Variants in TMCC1 observed in about 807,000 individuals in gnomAD.
The protein encoded by TMCC1 is transmembrane and coiled-coil domains protein 1.
Under a neutral mutation model 52.4 loss-of-function variants are expected in TMCC1, and 15 were observed. The observed-to-expected ratio is 0.29, with a 90% confidence interval of 0.19 to 0.44. TMCC1 has a LOEUF of 0.44. Among genes scored for constraint, TMCC1 ranks in the 20% least tolerant of loss-of-function variants. TMCC1 has a pLI of 1.00. For synonymous variants in TMCC1, 279 were observed against 301.9 expected, an observed-to-expected ratio of 0.92 and a Z score of 0.79; for missense variants, 503 against 806.0, an observed-to-expected ratio of 0.62 and a Z score of 4.55.
Position 129,731,369 on chromosome 3 carries a change from G to A in TMCC1, c.577-60105C>T, listed in dbSNP as rs1397802949. Among the ~76,000 whole-genome samples, 6 of 152,216 alleles carry A rather than the reference G, an allele frequency of 3.9e-5. No individual in the cohort carries two copies. The East Asian group carries it at 1.2e-3, about 29-fold the overall frequency. On this transcript the variant is annotated intron_variant, in intron 4 of 6. Coordinates refer to ENST00000393238, the MANE Select transcript of TMCC1 (RefSeq NM_001017395.5). ...AAGGTGGAGAGATCACATGAGGCCA[G>A]GAGTTTGAGACCAGTCTAGCCAACA...
intron 4 of TMCC1, among the ~76,000 whole-genome samples, chr3:129,731,493 A>C (rs2050536176): frequency 6.6e-6 from 1 of 152,218 alleles, no homozygotes; most frequent in Non-Finnish European, 1.5e-5. Flanking sequence ...CACAAGAATC[A>C]CTTGAACCCA....
intron 4 of TMCC1, among the ~76,000 whole-genome samples, chr3:129,785,527 C>G (rs898866004): frequency 6.6e-6 from 1 of 151,614 alleles, no homozygotes. Flanking sequence ...TGAGATCAGC[C>G]TTTATGTCTA....
intron 4 of TMCC1, among the ~76,000 whole-genome samples, chr3:129,789,130 G>T (rs2056265160): frequency 6.6e-6 from 1 of 152,152 alleles, no homozygotes; most frequent in South Asian, 2.1e-4. Context: ...ATCCAGTACT[G>T]ACTCTACCTA....
At chr3:129,788,656 G>A (rs1236204316) in intron 4 of TMCC1, among the ~76,000 whole-genome samples, 1 of 151,632 alleles carries the variant, frequency 6.6e-6, no homozygotes, top group African/African-American at 2.4e-5. Context: ...TTTTAGTAGA[G>A]ACGGGGTTTC....
At chr3:129,745,374 T>G (rs569767279) in intron 4 of TMCC1, among the ~76,000 whole-genome samples, 4 of 152,360 alleles carry the variant, frequency 2.6e-5, no homozygotes, top group Non-Finnish European at 4.4e-5. Flanking sequence ...TCAGCCACAG[T>G]GCTAAACTGA....
At chr3:129,693,322 C>T (rs568625932) in intron 4 of TMCC1, among the ~76,000 whole-genome samples, 9 of 152,038 alleles carry the variant, frequency 5.9e-5, no homozygotes, top group Admixed American at 3.3e-4. Context: ...CAAACCAAAC[C>T]GGAAAGAACA....
chr3:129,760,454 C>CTGTGTGTGTGTGTG lies in TMCC1; in HGVS notation c.576+67335_576+67348dup, dbSNP rs61394124. Among the ~76,000 whole-genome samples the CTGTGTGTGTGTGTG allele has an allele frequency of 4.4e-3, 569 of 129,042 alleles. 20 individuals are homozygous for CTGTGTGTGTGTGTG. Among genetic ancestry groups the CTGTGTGTGTGTGTG allele is most frequent in the Non-Finnish European group, 6.4e-3 (389 of 60,968 alleles). The allele number at this position is 129,042 out of a possible 152,430, so 84.7% of individuals were successfully genotyped here. ...TGTGTGTTTTTGAGACAGTCTCGCT[C>CTGTGTGTGTGTGTG]TGTGTGTGTGTGTGTGTGTGTGTGT... On this transcript the variant is annotated intron_variant, in intron 4 of 6. Coordinates refer to ENST00000393238, the MANE Select transcript of TMCC1 (RefSeq NM_001017395.5).
intron 3 of TMCC1, among the ~76,000 whole-genome samples, chr3:129,829,990 G>A (rs1468301691): frequency 6.6e-6 from 1 of 152,144 alleles, no homozygotes; most frequent in African/African-American, 2.4e-5. Flanking sequence ...GCATAAACAG[G>A]GAGACAGGGA....
chr3:129,831,197 G>A (rs1164838406), intron 3 of TMCC1, among the ~76,000 whole-genome samples: 1 of 152,136 alleles, frequency 6.6e-6, no homozygotes, highest in African/African-American at 2.4e-5. Flanking sequence ...GCCTCCCAAA[G>A]TGCTGAGATT....
rs150188801 is a variant in TMCC1, at chr3:129,868,500, G to A, written c.-184+11809C>T. ...GTTGCCCAGGCTTGAGTGCAGTGGCGCAATCTTGGCTCACTGCAACCTCCA... is the reference window on the plus strand; with the variant it reads ...GTTGCCCAGGCTTGAGTGCAGTGGCACAATCTTGGCTCACTGCAACCTCCA... On this transcript the variant is annotated intron_variant, in intron 2 of 6. Coordinates refer to ENST00000393238, the MANE Select transcript of TMCC1 (RefSeq NM_001017395.5). Among the ~76,000 whole-genome samples, 254 of 152,162 alleles carry A rather than the reference G, an allele frequency of 1.7e-3. 7 individuals are homozygous for A. The East Asian group carries it at 0.042, about 25-fold the overall frequency.
chr3:129,757,538 C>T (rs374332093), intron 4 of TMCC1, among the ~76,000 whole-genome samples: 13 of 152,138 alleles, frequency 8.5e-5, no homozygotes, highest in South Asian at 8.3e-4. Context: ...AAAAAGGAAT[C>T]GGCTGGGCAT....
At chr3:129,885,611 T>C (rs981634679) in intron 1 of TMCC1, among the ~76,000 whole-genome samples, 1 of 151,990 alleles carries the variant, frequency 6.6e-6, no homozygotes, top group Non-Finnish European at 1.5e-5. Context: ...GAAAACAATA[T>C]TTGATGCTAT....
intron 4 of TMCC1, among the ~76,000 whole-genome samples, chr3:129,706,703 C>T (rs1375448803): frequency 1.3e-5 from 2 of 152,126 alleles, no homozygotes; most frequent in Admixed American, 1.3e-4. Context: ...AGTTCAACCA[C>T]CTATTTAATG....
At chr3:129,817,467 G>C (rs2058155848) in intron 4 of TMCC1, among the ~76,000 whole-genome samples, 1 of 152,040 alleles carries the variant, frequency 6.6e-6, no homozygotes, top group Admixed American at 6.6e-5. Flanking sequence ...AATAATATCT[G>C]TGAACTTTAA....
rs113483086 is a variant in TMCC1, at chr3:129,731,303, C to T, written c.577-60039G>A. On this transcript the variant is annotated intron_variant, in intron 4 of 6. Transcript: ENST00000393238. ...TAAACTCTTAGCCAATTAGGCTGGACGCGGTGGCTCACACCTGTAATCTCA... is the reference window on the plus strand; with the variant it reads ...TAAACTCTTAGCCAATTAGGCTGGATGCGGTGGCTCACACCTGTAATCTCA... Among the ~76,000 whole-genome samples, 1,222 of 152,296 alleles carry T rather than the reference C, an allele frequency of 8.0e-3. 10 individuals carry two copies. Among genetic ancestry groups the T allele is most frequent in the African/African-American group, 0.027 (1,114 of 41,562 alleles).
At chr3:129,674,107 T>C (rs767532984) in intron 4 of TMCC1, among the ~76,000 whole-genome samples, 3 of 152,218 alleles carry the variant, frequency 2.0e-5, no homozygotes, top group Non-Finnish European at 4.4e-5. Context: ...TCTAGGTTTG[T>C]GTAAGCACAC....
intron 4 of TMCC1, among the ~76,000 whole-genome samples, chr3:129,693,857 T>C (rs182700795): frequency 3.3e-5 from 5 of 152,354 alleles, no homozygotes; most frequent in Admixed American, 3.3e-4. Flanking sequence ...GTTATTTGCA[T>C]AGGATCAATA....
At chr3:129,853,467 T>A (rs546411517) in intron 2 of TMCC1, among the ~76,000 whole-genome samples, 1 of 150,888 alleles carries the variant, frequency 6.6e-6, no homozygotes, top group South Asian at 2.1e-4. Context: ...CACAAAAAAA[T>A]AAACTTAAAA....
chr3:129,884,732 T>A (rs913132005), intron 1 of TMCC1, among the ~76,000 whole-genome samples: 18 of 152,142 alleles, frequency 1.2e-4, no homozygotes, highest in Non-Finnish European at 1.6e-4. Flanking sequence ...GTTTTCAAAA[T>A]CTTTGAAGGG....
Sources: allele counts gnomAD v4.1 joint callset (sites outside exome capture counted in the v4.1 genomes callset), GRCh38; gene constraint gnomAD v4.1.1; transcripts MANE v1.5; gene names NCBI Gene and HGNC (gene_info 2026-07-23, HGNC 2026-07-21).